Variants in RAD51C observed in about 807,000 individuals in gnomAD.
RAD51C encodes the protein DNA repair protein RAD51 homolog 3.
In RAD51C, 42 loss-of-function variants were observed where a neutral mutation model predicts 45.0. The observed-to-expected ratio is 0.93, with a 90% CI of 0.73 to 1.21. The LOEUF (loss-of-function observed/expected upper bound fraction) is 1.21. RAD51C is among the 50% of genes most tolerant of loss of function. The pLI, the probability that RAD51C is intolerant of heterozygous loss-of-function variation, is 0.00. For missense variants in RAD51C, 474 were observed against 452.2 expected (o/e 1.05, Z -0.44); for synonymous variants, 172 against 159.8 (o/e 1.08, Z -0.58).
At chr17:58,717,610 C>T (rs2048784896) in intron 5 of RAD51C, among the ~76,000 whole-genome samples, 1 of 152,110 alleles carries the variant, frequency 6.6e-6, no homozygotes, top group Admixed American at 6.6e-5. Flanking sequence ...GTAGCTCACA[C>T]CTGTAATCCC....
chr17:58,706,724 G>T, intron 4 of RAD51C: 1 of 215,658 alleles, frequency 4.6e-6, no homozygotes, highest in South Asian at 6.9e-5. Flanking sequence ...GTGGAATCAA[G>T]GAAGTCCAAC....
intron 4 of RAD51C, among the ~76,000 whole-genome samples, chr17:58,708,708 G>GC (rs1333334326): frequency 6.6e-6 from 1 of 151,616 alleles, no homozygotes; most frequent in Non-Finnish European, 1.5e-5. Flanking sequence ...CTTTGGGGGG[G>GC]GCTTTCTTTT....
At chr17:58,728,902 T>C (rs531140412) in intron 7 of RAD51C, among the ~76,000 whole-genome samples, 33 of 152,334 alleles carry the variant, frequency 2.2e-4, no homozygotes, top group African/African-American at 7.9e-4. Flanking sequence ...TGCATATTCA[T>C]GGTTATATGA....
intron 5 of RAD51C, among the ~76,000 whole-genome samples, chr17:58,718,198 A>G (rs902967948): frequency 6.6e-6 from 1 of 152,022 alleles, no homozygotes; most frequent in African/African-American, 2.4e-5. Flanking sequence ...GGGTATCGCC[A>G]TGTTGGCCTG....
intron 4 of RAD51C, 73 bp downstream of exon 4, chr17:58,703,402 C>A: frequency 6.6e-7 from 1 of 1,503,906 alleles, no homozygotes; most frequent in Non-Finnish European, 9.2e-7. Flanking sequence ...AAAAAATAAC[C>A]AGTACAGTAG....
chr17:58,734,134 A>C lies in RAD51C; in HGVS notation c.1043A>C (p.Asp348Ala), dbSNP rs111614311. Residue 348 changes from aspartate to alanine, a missense_variant, in exon 9 of 9, where the codon GAT becomes GCT. Coordinates refer to ENST00000337432, the MANE Select transcript of RAD51C (RefSeq NM_058216.3). ...ATCTTTCAGCCTCAGGGATTTAGAGATACTGTTGTTACTTCTGCATGTTCA... is the reference window on the plus strand; with the variant it reads ...ATCTTTCAGCCTCAGGGATTTAGAGCTACTGTTGTTACTTCTGCATGTTCA... ...LFQIKPQGFR[D>A]TVVTSACSLQ... 1.2e-6 allele frequency: 2 copies of C among 1,613,394 alleles called. No homozygotes were observed. Among genetic ancestry groups the C allele is most frequent in the South Asian group, 2.2e-5 (2 of 90,942 alleles).
rs555254939 is a variant in RAD51C at position 58,700,704 on chromosome 17, C to T, written c.572-2492C>T. Reference sequence around the variant, plus strand: ...ATCTGCCCACCTCAGCCTCCCAAAGCGCTGGGATTACAGGCGTGAGCCACC... The same window carrying T: ...ATCTGCCCACCTCAGCCTCCCAAAGTGCTGGGATTACAGGCGTGAGCCACC... On this transcript the variant is annotated intron_variant, in intron 3 of 8. Coordinates refer to ENST00000337432, the MANE Select transcript of RAD51C (RefSeq NM_058216.3). 3.1e-4 allele frequency among the ~76,000 whole-genome samples: 47 copies of T among 151,836 alleles called. No individual in the cohort carries two copies. In the South Asian group the frequency reaches 8.3e-3, roughly 27 times the overall value.
intron 5 of RAD51C, among the ~76,000 whole-genome samples, chr17:58,710,905 G>A (rs958433794): frequency 5.9e-5 from 9 of 152,138 alleles, no homozygotes; most frequent in Non-Finnish European, 1.3e-4. Context: ...GGAGTAAGAT[G>A]TAAGGTCAAA....
intron 6 of RAD51C, among the ~76,000 whole-genome samples, chr17:58,721,833 G>A (rs2048928504): frequency 6.6e-6 from 1 of 152,034 alleles, no homozygotes; most frequent in South Asian, 2.1e-4. Flanking sequence ...AACAGATAAT[G>A]TAGTAAAGGT....
intron 4 of RAD51C, 72 bp downstream of exon 4, chr17:58,703,401 C>A: frequency 6.6e-7 from 1 of 1,506,512 alleles, no homozygotes; most frequent in Admixed American, 1.7e-5. Flanking sequence ...GAAAAAATAA[C>A]CAGTACAGTA....
Position 58,696,950 on chromosome 17 carries a change from A to T in RAD51C, c.571+91A>T, listed in dbSNP as rs959854729. 3.5e-6 allele frequency: 5 copies of T among 1,419,278 alleles called. No individual in the cohort carries two copies. In the Admixed American group the frequency reaches 6.8e-5, roughly 19 times the overall value. The allele number at this position is 1,419,278 out of a possible 1,614,324, so 87.9% of individuals were successfully genotyped here. A position where few individuals can be genotyped will look rare whatever the true frequency, so the allele number is the denominator to read the frequency against. ...GAGACCTCAGCAACACTCCATTTGG[A>T]ATGTGAAGCCTAATTACTGGACAGT... On this transcript the variant is annotated intron_variant, in intron 3 of 8. Coordinates refer to ENST00000337432, the MANE Select transcript of RAD51C (RefSeq NM_058216.3).
chr17:58,696,524 G>T (rs982334878), intron 2 of RAD51C, among the ~76,000 whole-genome samples, 169 bp from the exon 3 acceptor site: 1 of 152,198 alleles, frequency 6.6e-6, no homozygotes, highest in African/African-American at 2.4e-5. Flanking sequence ...TAGTCGATTG[G>T]TTCACATTAT....
intron 5 of RAD51C, among the ~76,000 whole-genome samples, chr17:58,717,534 C>T (rs940650128): frequency 5.9e-5 from 9 of 151,966 alleles, no homozygotes; most frequent in East Asian, 5.8e-4. Flanking sequence ...GTCAGGAGTT[C>T]GAGACCAGCC....
chr17:58,697,060 G>T (rs1320404591), intron 3 of RAD51C, among the ~76,000 whole-genome samples: 2 of 152,080 alleles, frequency 1.3e-5, no homozygotes, highest in Non-Finnish European at 2.9e-5. Flanking sequence ...CCCTTTTATG[G>T]CCCTCACTTC....
At position 58,695,023 on chromosome 17, in the gene RAD51C, G is replaced by T. The variant is rs1413186293; in HGVS notation, c.238G>T (p.Glu80Ter). ...TAAACCAAGATATGCTGGTACATCT[G>T]AGTCACACAAGAAGTGTACAGCACT... ...TNKPRYAGTS[E>*]SHKKCTALEL... Residue 80 changes from glutamate to a stop codon, truncating the protein, a stop_gained, in exon 2 of 9, where the codon GAG becomes TAG. Transcript: ENST00000337432. LOFTEE classifies it high-confidence loss of function. 1.9e-6 allele frequency: 3 copies of T among 1,614,066 alleles called. No individual in the cohort carries two copies.
At chr17:58,701,649 C>A (rs968055865) in intron 3 of RAD51C, among the ~76,000 whole-genome samples, 4 of 151,142 alleles carry the variant, frequency 2.6e-5, no homozygotes, top group African/African-American at 7.3e-5. Flanking sequence ...CAGCTCACTA[C>A]AACCTCCGTC....
chr17:58,723,975 C>A (rs930424636), intron 6 of RAD51C, 65 bp from the exon 7 acceptor site: 1 of 1,314,112 alleles, frequency 7.6e-7, no homozygotes, highest in Non-Finnish European at 1.1e-6. Context: ...TGATCAGAGG[C>A]GTTCTGAGAA....
At chr17:58,697,853 C>G (rs2048072936) in intron 3 of RAD51C, among the ~76,000 whole-genome samples, 1 of 149,476 alleles carries the variant, frequency 6.7e-6, no homozygotes, top group Admixed American at 6.7e-5. Flanking sequence ...GCTGGAATTA[C>G]AGGCATGTGC....
At chr17:58,719,486 C>T (rs543079499) in intron 5 of RAD51C, among the ~76,000 whole-genome samples, 3 of 151,840 alleles carry the variant, frequency 2.0e-5, no homozygotes, top group Non-Finnish European at 4.4e-5. Flanking sequence ...AGTTCAAGAT[C>T]AGCCTGGGCA....
Sources: allele counts gnomAD v4.1 joint callset (sites outside exome capture counted in the v4.1 genomes callset), GRCh38; gene constraint gnomAD v4.1.1; transcripts MANE v1.5; gene names NCBI Gene and HGNC (gene_info 2026-07-23, HGNC 2026-07-21).